FGF2: variants seen among roughly 807,000 people sequenced by gnomAD.
FGF2 encodes basic fibroblast growth factor bFGF.
In FGF2, 13 loss-of-function variants were observed where a neutral mutation model predicts 15.9. That is an observed-to-expected ratio of 0.82 (90% CI 0.53 to 1.30). The LOEUF is 1.30. Among genes scored for constraint, FGF2 ranks in the 50% most tolerant of loss-of-function variants. The pLI, the probability that FGF2 is intolerant of heterozygous loss-of-function variation, is 0.00. For synonymous variants in FGF2, 90 were observed against 78.4 expected (o/e 1.15, Z -0.78); for missense variants, 163 against 196.9 (o/e 0.83, Z 1.03).
intron 1 of FGF2, among the ~76,000 whole-genome samples, chr4:122,836,660 T>TGACC (rs1725873308): frequency 1.3e-5 from 2 of 152,210 alleles, no homozygotes; most frequent in Non-Finnish European, 2.9e-5. Context: ...GCTGAATGAG[T>TGACC]GACCAGTCTG....
chr4:122,838,445 T>A (rs1480825567), intron 1 of FGF2, among the ~76,000 whole-genome samples: 1 of 152,248 alleles, frequency 6.6e-6, no homozygotes, highest in Non-Finnish European at 1.5e-5. Context: ...TACAAACTTA[T>A]GAAGCAGGTG....
chr4:122,878,517 GTAGA>G (rs1042514384), intron 2 of FGF2, among the ~76,000 whole-genome samples: 1 of 152,168 alleles, frequency 6.6e-6, no homozygotes, highest in African/African-American at 2.4e-5. Context: ...GGCTGGGGAG[GTAGA>G]TAGACTGTCT....
intron 1 of FGF2, among the ~76,000 whole-genome samples, chr4:122,851,160 A>G (rs985317598): frequency 5.3e-5 from 8 of 152,196 alleles, no homozygotes; most frequent in Non-Finnish European, 1.2e-4. Flanking sequence ...ACAGAGTGGC[A>G]TGCTTCAAAG....
Position 122,893,121 on chromosome 4 carries a change from T to C in FGF2, c.*725T>C. ...CGGCAGATGATATACATATCTGACT[T>C]CCCAAAAGCTCCAGGATTTGTGTGC... On this transcript the variant is annotated 3_prime_UTR_variant, in exon 3 of 3. Transcript: ENST00000644866. The C allele has an allele frequency of 6.2e-7, 1 of 1,614,160 alleles. No homozygotes were observed. Among genetic ancestry groups the C allele is most frequent in the Non-Finnish European group, 8.5e-7 (1 of 1,180,028 alleles).
intron 1 of FGF2, among the ~76,000 whole-genome samples, chr4:122,876,007 C>T (rs1726838105): frequency 6.6e-6 from 1 of 152,060 alleles, no homozygotes. Context: ...AGCTAACTGC[C>T]CAACAAAGGA....
At chr4:122,847,831 G>A (rs1560741775) in intron 1 of FGF2, among the ~76,000 whole-genome samples, 1 of 152,184 alleles carries the variant, frequency 6.6e-6, no homozygotes, top group East Asian at 1.9e-4. Context: ...GAGGAAAGCA[G>A]CCTTTTGTTC....
chr4:122,829,048 C>CT lies in FGF2; in HGVS notation c.178+1705dup, dbSNP rs34959980. Among the ~76,000 whole-genome samples, 935 of 151,380 alleles carry CT rather than the reference C, an allele frequency of 6.2e-3. 2 individuals are homozygous for CT. The highest frequency in any genetic ancestry group is 8.8e-3 in the Non-Finnish European group (597 of 67,750). On this transcript the variant is annotated intron_variant, in intron 1 of 2. Transcript: ENST00000644866. ...AATATTTGGGGCTTCCCCTAATACT[C>CT]TTTTTTTTTCAGACTCTATTAGTTG...
intron 1 of FGF2, among the ~76,000 whole-genome samples, chr4:122,870,747 A>C (rs1323683438): frequency 6.6e-6 from 1 of 150,504 alleles, no homozygotes; most frequent in African/African-American, 2.4e-5. Flanking sequence ...TAGTGGTCTA[A>C]TTTGTTAATC....
At chr4:122,878,099 C>G (rs1187412481) in intron 2 of FGF2, among the ~76,000 whole-genome samples, 1 of 152,108 alleles carries the variant, frequency 6.6e-6, no homozygotes, top group African/African-American at 2.4e-5. Context: ...TGTCTCTGCC[C>G]TTAATGAGTG....
chr4:122,847,391 T>A (rs1345523922), intron 1 of FGF2, among the ~76,000 whole-genome samples: 1 of 152,156 alleles, frequency 6.6e-6, no homozygotes, highest in Non-Finnish European at 1.5e-5. Context: ...CAGGTGTATC[T>A]TGGACTGACC....
At chr4:122,843,758 T>C (rs72917850) in intron 1 of FGF2, among the ~76,000 whole-genome samples, 3,861 of 152,312 alleles carry the variant, frequency 0.025, 169 homozygotes, top group African/African-American at 0.088. Context: ...TATGTTTACA[T>C]TGTACTGTAA....
chr4:122,848,888 T>C (rs1423908527), intron 1 of FGF2, among the ~76,000 whole-genome samples: 1 of 152,208 alleles, frequency 6.6e-6, no homozygotes, highest in East Asian at 1.9e-4. Flanking sequence ...ATGCCTTGGC[T>C]ACTTTTTAGA....
At chr4:122,864,350 G>C (rs1016645356) in intron 1 of FGF2, among the ~76,000 whole-genome samples, 4 of 152,112 alleles carry the variant, frequency 2.6e-5, no homozygotes, top group Admixed American at 2.6e-4. Flanking sequence ...GTTGTGTGTC[G>C]GGCAGTGTGC....
intron 2 of FGF2, among the ~76,000 whole-genome samples, chr4:122,878,738 T>A (rs1197365066): frequency 6.6e-6 from 1 of 152,184 alleles, no homozygotes; most frequent in Non-Finnish European, 1.5e-5. Flanking sequence ...CATGTTCTGA[T>A]CCTGGCAATA....
intron 2 of FGF2, chr4:122,883,368 T>G (rs1332022267): frequency 6.6e-6 from 1 of 152,256 alleles, no homozygotes; most frequent in Non-Finnish European, 1.5e-5. Flanking sequence ...ATGGTATGCA[T>G]GTTTTCAGGT....
At chr4:122,891,335 C>T (rs1391285019) in intron 2 of FGF2, among the ~76,000 whole-genome samples, 3 of 151,924 alleles carry the variant, frequency 2.0e-5, no homozygotes, top group African/African-American at 4.8e-5. Flanking sequence ...CCACCGCGCC[C>T]GGCCGAACAT....
chr4:122,881,593 C>A (rs1726961870), intron 2 of FGF2, among the ~76,000 whole-genome samples: 1 of 152,192 alleles, frequency 6.6e-6, no homozygotes, highest in African/African-American at 2.4e-5. Context: ...ACAAGTTCCT[C>A]ATCTCCATTT....
At chr4:122,892,164 T>C (rs1376474639) in intron 2 of FGF2, 47 bp from the exon 3 acceptor site, 2 of 1,406,526 alleles carry the variant, frequency 1.4e-6, no homozygotes, top group African/African-American at 1.4e-5. Context: ...AAAAGTGTAA[T>C]AATAATAATG....
intron 2 of FGF2, among the ~76,000 whole-genome samples, chr4:122,881,083 G>T (rs1227172156): frequency 2.0e-5 from 3 of 152,172 alleles, no homozygotes; most frequent in Non-Finnish European, 4.4e-5. Context: ...GCCCCTTTTA[G>T]TCACAGCTGG....
Sources: gnomAD v4.1 joint callset for allele counts (sites outside exome capture counted in the v4.1 genomes callset) on GRCh38, gnomAD v4.1.1 for gene constraint, MANE v1.5 for transcripts, NCBI Gene and HGNC (gene_info 2026-07-23, HGNC 2026-07-21) for gene names.